MICAL3: variants seen among roughly 807,000 people sequenced by gnomAD.
MICAL3 encodes the protein microtubule associated monooxygenase, calponin and LIM domain containing 3, also known as [F-actin]-monooxygenase MICAL3.
A neutral mutation model predicts 207.4 loss-of-function variants in MICAL3; 62 were observed. That is an observed-to-expected ratio of 0.30 (90% confidence interval 0.24 to 0.37). MICAL3 has a LOEUF of 0.37. Among genes scored for constraint, MICAL3 ranks in the 10% least tolerant of loss-of-function variants. The pLI, the probability that MICAL3 is intolerant of heterozygous loss-of-function variation, is 1.00. For synonymous variants in MICAL3, 1,077 were observed against 1,069.3 expected (o/e 1.01, Z -0.14); for missense variants, 2,368 against 2,635.6 (o/e 0.90, Z 2.22).
At chr22:17,878,119 C>T (rs1188574763) in intron 16 of MICAL3, among the ~76,000 whole-genome samples, 1 of 152,062 alleles carries the variant, frequency 6.6e-6, no homozygotes, top group African/African-American at 2.4e-5. Context: ...TCCCAAAGTG[C>T]TGGGATTACA....
intron 1 of MICAL3, among the ~76,000 whole-genome samples, chr22:17,908,769 G>T (rs1353426366): frequency 6.6e-6 from 1 of 152,196 alleles, no homozygotes; most frequent in Admixed American, 6.5e-5. Flanking sequence ...GTACCCTTGG[G>T]GTTGGGTGCA....
Position 17,817,808 on chromosome 22 carries a change from C to T in MICAL3, c.4853G>A (p.Ser1618Asn). ...GGCCAGCTCCATCTGCTGCATCCTGCTCAGCTGCCTGGCCATGGCGTCCCG... is the reference window on the plus strand; with the variant it reads ...GGCCAGCTCCATCTGCTGCATCCTGTTCAGCTGCCTGGCCATGGCGTCCCG... ...ALRDAMARQL[S>N]RMQQMELASG... The change falls in exon 26 of 32, where the codon AGC becomes AAC. Residue 1618 changes from serine to asparagine, a missense_variant. Transcript: ENST00000441493. The T allele has an allele frequency of 1.9e-6, 3 of 1,609,464 alleles. No homozygotes were observed. Among genetic ancestry groups the T allele is most frequent in the Non-Finnish European group, 2.5e-6 (3 of 1,178,242 alleles).
intron 16 of MICAL3, chr22:17,872,735 G>GGCGTC (rs1927850838): frequency 1.3e-6 from 2 of 1,532,496 alleles, no homozygotes; most frequent in Admixed American, 1.7e-5. Flanking sequence ...AGTGCCTGGA[G>GGCGTC]GCGTCTCTTA....
At position 17,910,523 on chromosome 22, in the gene MICAL3, A is replaced by G. The variant is rs566080070; in HGVS notation, c.-74-3637T>C. Among the ~76,000 whole-genome samples the G allele has an allele frequency of 2.0e-5, 3 of 152,346 alleles. No individual in the cohort carries two copies. The South Asian group carries it at 6.2e-4, about 32-fold the overall frequency. On this transcript the variant is annotated intron_variant, in intron 1 of 31. Coordinates refer to ENST00000441493, the MANE Select transcript of MICAL3 (RefSeq NM_015241.3). ...GCAAGTTTTAATTCCCCGGCCGAAG[A>G]GATTTCGACCTGCAGGGCACTGGTG...
rs558580833 is a variant in MICAL3 at position 17,874,168 on chromosome 22, T to G, written c.2242-2145A>C. Among the ~76,000 whole-genome samples the G allele has an allele frequency of 1.2e-4, 19 of 152,344 alleles. No homozygotes were observed. The East Asian group carries it at 3.7e-3, about 29-fold the overall frequency. ...GCTGAACTGAAGAAGCAATTATAGC[T>G]TTTAATTCAAAAATAAGATTCCCAA... On this transcript the variant is annotated intron_variant, in intron 16 of 31. Transcript: ENST00000441493.
intron 9 of MICAL3, among the ~76,000 whole-genome samples, chr22:17,895,905 T>C (rs1382849837): frequency 1.3e-5 from 2 of 152,148 alleles, no homozygotes; most frequent in Non-Finnish European, 2.9e-5. Context: ...TTTTATTGCA[T>C]TTGCAAAAAT....
chr22:17,929,524 C>T (rs1602237330), intron 1 of MICAL3, among the ~76,000 whole-genome samples: 1 of 151,848 alleles, frequency 6.6e-6, no homozygotes, highest in East Asian at 1.9e-4. Context: ...AGGCCTGAAA[C>T]CCATCTGTGC....
chr22:17,875,585 G>C (rs1201210363), intron 16 of MICAL3: 2 of 1,344,532 alleles, frequency 1.5e-6, no homozygotes, highest in Non-Finnish European at 2.0e-6. Flanking sequence ...AAAAACAAAA[G>C]TAAAGGAAAT....
intron 19 of MICAL3, among the ~76,000 whole-genome samples, chr22:17,843,910 G>A (rs180933872): frequency 9.2e-5 from 14 of 151,938 alleles, no homozygotes; most frequent in Admixed American, 2.6e-4. Flanking sequence ...GCAGTGGCAC[G>A]ATCTCTGCTC....
intron 1 of MICAL3, among the ~76,000 whole-genome samples, chr22:17,970,758 AT>A (rs1025493894): frequency 7.3e-5 from 11 of 150,338 alleles, no homozygotes; most frequent in Admixed American, 5.3e-4. Flanking sequence ...ATTGAGCAGC[AT>A]TTTTTTTTAA....
chr22:17,844,118 T>C (rs1481446507), intron 19 of MICAL3, among the ~76,000 whole-genome samples: 1 of 152,150 alleles, frequency 6.6e-6, no homozygotes, highest in East Asian at 1.9e-4. Context: ...AGTGCTGGGA[T>C]TACAAGCGGG....
chr22:17,846,522 C>T (rs1306770171), intron 19 of MICAL3, among the ~76,000 whole-genome samples: 1 of 152,168 alleles, frequency 6.6e-6, no homozygotes, highest in Non-Finnish European at 1.5e-5. Flanking sequence ...AGAGCGGTAA[C>T]AGCAGGGGCC....
At chr22:17,928,438 C>G (rs1226596057) in intron 1 of MICAL3, among the ~76,000 whole-genome samples, 1 of 144,606 alleles carries the variant, frequency 6.9e-6, no homozygotes, top group Non-Finnish European at 1.5e-5. Flanking sequence ...GACTCCGTCT[C>G]AAAAAAAAAG....
intron 19 of MICAL3, among the ~76,000 whole-genome samples, chr22:17,842,910 A>G (rs567134047): frequency 1.3e-5 from 2 of 152,266 alleles, no homozygotes; most frequent in African/African-American, 4.8e-5. Flanking sequence ...TCACGAGGTC[A>G]GCAGATCAAG....
chr22:17,959,125 C>T (rs1278974687), intron 1 of MICAL3, among the ~76,000 whole-genome samples: 1 of 148,594 alleles, frequency 6.7e-6, no homozygotes, highest in East Asian at 2.0e-4. Context: ...ACGCCATTCT[C>T]CTGCCTCAGC....
rs2061808121 is a variant in MICAL3 at position 17,789,302 on chromosome 22, C to T, written c.*1430G>A. Reference sequence around the variant, plus strand: ...TAGGCTGGGAGGAGGGAATTCTCACCAGCCACATGATTCCAGGGTCCCACC... The same window carrying T: ...TAGGCTGGGAGGAGGGAATTCTCACTAGCCACATGATTCCAGGGTCCCACC... On this transcript the variant is annotated 3_prime_UTR_variant, in exon 32 of 32. Coordinates refer to ENST00000441493, the MANE Select transcript of MICAL3 (RefSeq NM_015241.3). 1 of 152,260 alleles carries T rather than the reference C, an allele frequency of 6.6e-6. No individual in the cohort carries two copies. The highest frequency in any genetic ancestry group is 2.4e-5 in the African/African-American group (1 of 41,466). 9.4% of individuals were successfully genotyped at this position (152,260 alleles called of 1,614,324 possible). A position where few individuals can be genotyped will look rare whatever the true frequency, so the allele number is the denominator to read the frequency against.
chr22:17,912,044 ATGAGGCTGAAGCAGGAGGATTATT>A (rs1932178791), intron 1 of MICAL3, among the ~76,000 whole-genome samples: 1 of 152,030 alleles, frequency 6.6e-6, no homozygotes, highest in Non-Finnish European at 1.5e-5. Context: ...AGTGAGGTGC[ATGAGGCTGAAGCAGGAGGATTATT>A]TGATCCTCCC....
At chr22:17,880,151 T>C (rs1028283315) in intron 16 of MICAL3, among the ~76,000 whole-genome samples, 3 of 152,192 alleles carry the variant, frequency 2.0e-5, no homozygotes, top group Admixed American at 2.0e-4. Context: ...ATAATGTCTC[T>C]GTGGGCAGAG....
intron 27 of MICAL3, chr22:17,813,206 A>G (rs1364058116): frequency 6.6e-6 from 1 of 152,218 alleles, no homozygotes; most frequent in Non-Finnish European, 1.5e-5. Context: ...TTCTCATTCC[A>G]TCACACCTTG....
Sources: allele counts gnomAD v4.1 joint callset (sites outside exome capture counted in the v4.1 genomes callset), GRCh38; gene constraint gnomAD v4.1.1; transcripts MANE v1.5; gene names NCBI Gene and HGNC (gene_info 2026-07-23, HGNC 2026-07-21).